KCNH1: variants seen among roughly 807,000 people sequenced by gnomAD.
KCNH1 encodes the protein potassium voltage-gated channel subfamily H member 1.
KCNH1 carries 27 observed loss-of-function variants against 69.2 expected under a neutral mutation model. The observed-to-expected ratio is 0.39, with a 90% confidence interval of 0.29 to 0.54. The LOEUF is 0.54. Ranked by LOEUF, KCNH1 falls within the 20% of genes least tolerant of loss-of-function variation. The pLI is 0.68. For missense variants in KCNH1, 798 were observed against 1,261.6 expected, an observed-to-expected ratio of 0.63 and a Z score of 5.57; for synonymous variants, 456 against 487.7, an observed-to-expected ratio of 0.93 and a Z score of 0.86.
chr1:210,736,420 T>G (rs764965347), intron 10 of KCNH1, among the ~76,000 whole-genome samples: 8 of 151,956 alleles, frequency 5.3e-5, no homozygotes, highest in Non-Finnish European at 1.0e-4. Context: ...TGGTGGTGCA[T>G]GCCTGTAATC....
chr1:210,920,291 CACAAA>C (rs953198603), intron 6 of KCNH1, among the ~76,000 whole-genome samples: 8 of 152,050 alleles, frequency 5.3e-5, no homozygotes, highest in Non-Finnish European at 1.2e-4. Context: ...TAAGCAAGCA[CACAAA>C]ACAAATATAA....
At chr1:210,961,280 C>A (rs887829483) in intron 6 of KCNH1, among the ~76,000 whole-genome samples, 10 of 151,248 alleles carry the variant, frequency 6.6e-5, no homozygotes, top group African/African-American at 2.4e-4. Flanking sequence ...TGAGGCTTGT[C>A]TTTTTATTCT....
chr1:210,693,412 A>T (rs1007594938), intron 10 of KCNH1, among the ~76,000 whole-genome samples: 2 of 152,188 alleles, frequency 1.3e-5, no homozygotes, highest in African/African-American at 4.8e-5. Context: ...GAAGTAGATA[A>T]TCAGGCCGGT....
intron 5 of KCNH1, among the ~76,000 whole-genome samples, chr1:211,030,845 A>C (rs4570464): frequency 0.15 from 22,357 of 152,004 alleles, 1,906 homozygotes; most frequent in East Asian, 0.39. Context: ...GCAAACGTCA[A>C]ATAAAGAAAT....
chr1:210,754,328 T>G (rs1683347555), intron 10 of KCNH1, among the ~76,000 whole-genome samples: 1 of 152,124 alleles, frequency 6.6e-6, no homozygotes, highest in African/African-American at 2.4e-5. Context: ...TTGGGATGAT[T>G]GGATCCAAGA....
intron 7 of KCNH1, among the ~76,000 whole-genome samples, chr1:210,908,209 C>T (rs1471419147): frequency 6.6e-6 from 1 of 152,196 alleles, no homozygotes; most frequent in East Asian, 1.9e-4. Context: ...TCTGTTCTCA[C>T]ATCATTTCTA....
At chr1:210,749,962 C>T (rs985477153) in intron 10 of KCNH1, among the ~76,000 whole-genome samples, 3 of 152,152 alleles carry the variant, frequency 2.0e-5, no homozygotes, top group African/African-American at 7.2e-5. Context: ...AGGCTGGTCT[C>T]AAACTCCTGA....
At chr1:210,837,225 C>G (rs1335890045) in intron 7 of KCNH1, among the ~76,000 whole-genome samples, 2 of 152,164 alleles carry the variant, frequency 1.3e-5, no homozygotes, top group African/African-American at 4.8e-5. Flanking sequence ...GGAGACACAG[C>G]TCCTCTAAAA....
intron 7 of KCNH1, among the ~76,000 whole-genome samples, chr1:210,828,890 T>A (rs6695591): frequency 7.2e-5 from 11 of 152,086 alleles, no homozygotes; most frequent in African/African-American, 2.7e-4. Context: ...TTGCAATGAC[T>A]TCCTGAATAA....
chr1:210,769,030 T>C (rs1437258363), intron 10 of KCNH1, among the ~76,000 whole-genome samples: 2 of 152,144 alleles, frequency 1.3e-5, no homozygotes, highest in South Asian at 4.1e-4. Flanking sequence ...TCCAACACCA[T>C]GATTTTATTA....
chr1:210,849,935 A>T (rs1197484184), intron 7 of KCNH1, among the ~76,000 whole-genome samples: 2 of 141,468 alleles, frequency 1.4e-5, no homozygotes, highest in African/African-American at 2.7e-5. Context: ...ATAAAATTTT[A>T]AAAAATAAAT....
chr1:210,837,930 T>C (rs1317284529), intron 7 of KCNH1, among the ~76,000 whole-genome samples: 1 of 152,208 alleles, frequency 6.6e-6, no homozygotes, highest in African/African-American at 2.4e-5. Context: ...GTACAATTTA[T>C]AGATTCAATG....
intron 10 of KCNH1, among the ~76,000 whole-genome samples, chr1:210,771,276 T>C (rs1414746790): frequency 1.3e-5 from 2 of 152,186 alleles, no homozygotes; most frequent in Non-Finnish European, 2.9e-5. Context: ...AGCGCTGTGC[T>C]TTTCTTTTGT....
intron 10 of KCNH1, among the ~76,000 whole-genome samples, chr1:210,747,866 G>A (rs1683197233): frequency 6.6e-6 from 1 of 152,144 alleles, no homozygotes; most frequent in African/African-American, 2.4e-5. Context: ...CCCCCTAGCT[G>A]CACCATGTAA....
In KCNH1 at chr1:210,917,219, GAGAGAGAGAGAGAAAGAA is replaced by G. The variant is rs1238950279; in HGVS notation, c.1462+2403_1462+2420del. ...AGAAAGAAAGGGACAGAGAGAGAGA[GAGAGAGAGAGAGAAAGAA>G]AGAAAGAAAGAAAGAAAGAAAGAAA... On this transcript the variant is annotated intron_variant, in intron 7 of 10. Coordinates refer to ENST00000271751, the MANE Select transcript of KCNH1 (RefSeq NM_172362.3). Among the ~76,000 whole-genome samples the G allele has an allele frequency of 8.7e-3, 1,101 of 126,892 alleles. 9 individuals are homozygous for G. The highest frequency in any genetic ancestry group is 0.018 in the Middle Eastern group (5 of 276). The allele number at this position is 126,892 out of a possible 152,430, so 83.2% of individuals were successfully genotyped here. A position where few individuals can be genotyped will look rare whatever the true frequency, so the allele number is the denominator to read the frequency against.
rs114467851 is a variant in KCNH1, at chr1:211,124,248, A to G, written c.79+9619T>C. Reference sequence around the variant, plus strand: ...ACTGAACTGAAAAGCAAGGGCAGGCACATACTGCCTGCTTCAGACAGAACA... The same window carrying G: ...ACTGAACTGAAAAGCAAGGGCAGGCGCATACTGCCTGCTTCAGACAGAACA... On this transcript the variant is annotated intron_variant, in intron 1 of 10. Coordinates refer to ENST00000271751, the MANE Select transcript of KCNH1 (RefSeq NM_172362.3). 3.3e-3 allele frequency among the ~76,000 whole-genome samples: 506 copies of G among 152,354 alleles called. 1 individual carries two copies. Among genetic ancestry groups the G allele is most frequent in the African/African-American group, 0.012 (484 of 41,588 alleles).
chr1:210,916,141 G>A (rs1687327984), intron 7 of KCNH1, among the ~76,000 whole-genome samples: 1 of 152,154 alleles, frequency 6.6e-6, no homozygotes, highest in Non-Finnish European at 1.5e-5. Flanking sequence ...AGCTGTACAG[G>A]AAGGAGGTCA....
intron 7 of KCNH1, among the ~76,000 whole-genome samples, chr1:210,884,340 C>A (rs1686558423): frequency 6.6e-6 from 1 of 152,190 alleles, no homozygotes; most frequent in Non-Finnish European, 1.5e-5. Flanking sequence ...TCCTACACAA[C>A]TAGCACCTGC....
chr1:210,759,021 A>T (rs1421737164), intron 10 of KCNH1, among the ~76,000 whole-genome samples: 10 of 152,212 alleles, frequency 6.6e-5, no homozygotes, highest in African/African-American at 2.4e-4. Context: ...CATGGAACTC[A>T]TACAGAGCCT....
Sources: gnomAD v4.1 joint callset for allele counts (sites outside exome capture counted in the v4.1 genomes callset) on GRCh38, gnomAD v4.1.1 for gene constraint, MANE v1.5 for transcripts, NCBI Gene and HGNC (gene_info 2026-07-23, HGNC 2026-07-21) for gene names.